Variants in ZNF385D observed in about 807,000 individuals in gnomAD.
ZNF385D encodes zinc finger protein 659.
Under a neutral mutation model 35.8 loss-of-function variants are expected in ZNF385D, and 15 were observed. The ratio of observed to expected loss-of-function variants is 0.42; its 90% CI spans 0.28 to 0.64. The LOEUF (loss-of-function observed/expected upper bound fraction) is 0.64, where lower values mean the gene tolerates loss of function less well. ZNF385D is among the 30% of genes least tolerant of loss of function. ZNF385D has a pLI of 0.23. For synonymous variants in ZNF385D, 212 were observed against 186.8 expected (o/e 1.13, Z -1.10); for missense variants, 474 against 494.6 (o/e 0.96, Z 0.39).
chr3:22,322,310 T>C (rs1003931629), intron 2 of ZNF385D, among the ~76,000 whole-genome samples: 3 of 152,152 alleles, frequency 2.0e-5, no homozygotes, highest in Non-Finnish European at 4.4e-5. Flanking sequence ...AACTCCTTTA[T>C]ATCCTCAAAT....
intron 3 of ZNF385D, among the ~76,000 whole-genome samples, chr3:21,851,440 T>C (rs1054496623): frequency 2.6e-5 from 4 of 152,030 alleles, no homozygotes; most frequent in Non-Finnish European, 4.4e-5. Flanking sequence ...AACGAAAATA[T>C]ATTCTCCACA....
intron 3 of ZNF385D, among the ~76,000 whole-genome samples, chr3:21,540,538 T>C (rs921802585): frequency 2.6e-5 from 4 of 152,144 alleles, no homozygotes; most frequent in African/African-American, 9.7e-5. Flanking sequence ...GCAGAGAAAA[T>C]AAGCTCTGCT....
intron 1 of ZNF385D, among the ~76,000 whole-genome samples, chr3:21,691,510 T>G (rs1420607904): frequency 6.6e-6 from 1 of 152,030 alleles, no homozygotes; most frequent in East Asian, 1.9e-4. Context: ...CAAATATTTG[T>G]GCCCAACCTT....
chr3:22,111,177 GTTT>G (rs1559377186), intron 3 of ZNF385D, among the ~76,000 whole-genome samples: 2 of 105,582 alleles, frequency 1.9e-5, no homozygotes, highest in African/African-American at 7.2e-5. Context: ...TTTTTTTTTT[GTTT>G]TTTTTGTACT....
At chr3:22,088,181 C>T (rs1701143611) in intron 3 of ZNF385D, among the ~76,000 whole-genome samples, 1 of 152,088 alleles carries the variant, frequency 6.6e-6, no homozygotes, top group Non-Finnish European at 1.5e-5. Flanking sequence ...ACCCTTCTGC[C>T]CATGATATTA....
chr3:21,542,652 A>AG (rs1288937242), intron 3 of ZNF385D, among the ~76,000 whole-genome samples: 2 of 151,984 alleles, frequency 1.3e-5, no homozygotes, highest in Non-Finnish European at 2.9e-5. Flanking sequence ...CAGCCAGGTG[A>AG]GGGGGGTACC....
intron 3 of ZNF385D, among the ~76,000 whole-genome samples, chr3:22,132,741 T>C (rs1196677465): frequency 1.3e-5 from 2 of 152,132 alleles, no homozygotes; most frequent in African/African-American, 4.8e-5. Context: ...ATATTATAAA[T>C]ACTTAATAAT....
chr3:21,989,374 AT>A (rs1388783760), intron 3 of ZNF385D, among the ~76,000 whole-genome samples: 2 of 152,208 alleles, frequency 1.3e-5, no homozygotes, highest in Non-Finnish European at 2.9e-5. Context: ...CAAATTTGCC[AT>A]TCTCCAAATT....
At chr3:21,997,869 GCGCGT>G (rs1553716176) in intron 3 of ZNF385D, among the ~76,000 whole-genome samples, 1 of 56,414 alleles carries the variant, frequency 1.8e-5, no homozygotes, top group Non-Finnish European at 3.7e-5. Context: ...GCGCGCGCGC[GCGCGT>G]GTGTGTGTGT....
chr3:21,907,870 G>C (rs1699759009), intron 3 of ZNF385D, among the ~76,000 whole-genome samples: 1 of 152,064 alleles, frequency 6.6e-6, no homozygotes, highest in South Asian at 2.1e-4. Flanking sequence ...TATATGTGGA[G>C]ACTGAGGGAA....
At chr3:22,167,492 A>G (rs1207088888) in intron 3 of ZNF385D, among the ~76,000 whole-genome samples, 1 of 152,186 alleles carries the variant, frequency 6.6e-6, no homozygotes, top group African/African-American at 2.4e-5. Flanking sequence ...TTCGTTTGTC[A>G]GCATATCCTC....
chr3:22,269,685 A>C (rs963610909), intron 2 of ZNF385D, among the ~76,000 whole-genome samples: 6 of 151,930 alleles, frequency 3.9e-5, no homozygotes, highest in African/African-American at 1.4e-4. Context: ...CCAGGTCTTT[A>C]AATACAAAAT....
chr3:22,191,072 G>A (rs1008922820), intron 2 of ZNF385D, among the ~76,000 whole-genome samples: 1 of 151,896 alleles, frequency 6.6e-6, no homozygotes, highest in Admixed American at 6.6e-5. Flanking sequence ...GTTAAATACA[G>A]AATTATTTTT....
At chr3:21,746,087 C>T (rs1282586770) in intron 1 of ZNF385D, among the ~76,000 whole-genome samples, 1 of 152,200 alleles carries the variant, frequency 6.6e-6, no homozygotes, top group Non-Finnish European at 1.5e-5. Flanking sequence ...ACCAACACAT[C>T]TTGTCTTATC....
chr3:21,592,061 G>C (rs2063990454), intron 2 of ZNF385D, among the ~76,000 whole-genome samples: 3 of 152,140 alleles, frequency 2.0e-5, no homozygotes, highest in Admixed American at 6.6e-5. Context: ...TTATAAATGA[G>C]ATAATAACAT....
intron 2 of ZNF385D, among the ~76,000 whole-genome samples, chr3:22,249,183 C>A (rs1699940790): frequency 1.3e-5 from 2 of 152,142 alleles, no homozygotes; most frequent in Admixed American, 6.6e-5. Context: ...ATAGTTAATT[C>A]TTAGCATCCA....
At chr3:21,898,746 T>C (rs540567713) in intron 3 of ZNF385D, among the ~76,000 whole-genome samples, 1 of 152,222 alleles carries the variant, frequency 6.6e-6, no homozygotes, top group African/African-American at 2.4e-5. Flanking sequence ...AGCAACTCAA[T>C]TATGACAAGT....
chr3:21,985,064 G>C (rs531456602), intron 3 of ZNF385D, among the ~76,000 whole-genome samples: 1 of 144,632 alleles, frequency 6.9e-6, no homozygotes, highest in South Asian at 2.4e-4. Context: ...AGGAGATTTT[G>C]GGCTGAGACA....
At chr3:22,037,630 T>G (rs1364271534) in intron 3 of ZNF385D, among the ~76,000 whole-genome samples, 3 of 152,196 alleles carry the variant, frequency 2.0e-5, no homozygotes, top group Non-Finnish European at 2.9e-5. Flanking sequence ...ATGAGTAGAT[T>G]GCAAAAATTT....
Sources: gnomAD v4.1 joint callset for allele counts (sites outside exome capture counted in the v4.1 genomes callset) on GRCh38, gnomAD v4.1.1 for gene constraint, MANE v1.5 for transcripts, NCBI Gene and HGNC (gene_info 2026-07-23, HGNC 2026-07-21) for gene names.